Variants in PCMTD1 observed in about 807,000 individuals in gnomAD.
PCMTD1 encodes the protein protein-L-isoaspartate (D-aspartate) O-methyltransferase domain containing 1.
A neutral mutation model predicts 37.6 loss-of-function variants in PCMTD1; 12 were observed. That is an observed-to-expected ratio of 0.32 (90% CI 0.20 to 0.52). The LOEUF is 0.52. Among genes scored for constraint, PCMTD1 ranks in the 20% least tolerant of loss-of-function variants. The pLI, the probability that PCMTD1 is intolerant of heterozygous loss-of-function variation, is 0.97. For missense variants in PCMTD1, 235 were observed against 421.3 expected (o/e 0.56, Z 3.87); for synonymous variants, 117 against 135.8 (o/e 0.86, Z 0.96).
chr8:51,846,294 CT>C (rs2038218789), intron 2 of PCMTD1, among the ~76,000 whole-genome samples: 1 of 152,168 alleles, frequency 6.6e-6, no homozygotes, highest in Non-Finnish European at 1.5e-5. Context: ...CTGGACTTGA[CT>C]CTCATGCTCC....
In PCMTD1 at chr8:51,857,265, G is replaced by C. The variant is rs542330814; in HGVS notation, c.307+3580C>G. ...CAAGGTAGTGGCATCCACAGTGCTG[G>C]ATGGCACTAGCAGTCTCCCCAGAGT... On this transcript the variant is annotated intron_variant, in intron 2 of 5. Coordinates refer to ENST00000522514, the MANE Select transcript of PCMTD1 (RefSeq NM_052937.4). Among the ~76,000 whole-genome samples, 3 of 152,324 alleles carry C rather than the reference G, an allele frequency of 2.0e-5. No individual in the cohort carries two copies. The East Asian group carries it at 5.8e-4, about 29-fold the overall frequency.
chr8:51,822,437 T>C (rs747921109), intron 5 of PCMTD1, among the ~76,000 whole-genome samples: 10 of 152,182 alleles, frequency 6.6e-5, no homozygotes, highest in African/African-American at 1.4e-4. Context: ...TATCAGTGAC[T>C]GACATGACAA....
Position 51,866,476 on chromosome 8 carries a change from A to G in PCMTD1, c.-95-5230T>C, listed in dbSNP as rs1037593740. On this transcript the variant is annotated intron_variant, in intron 1 of 5. Transcript: ENST00000522514. Reference sequence around the variant, plus strand: ...TGGAGAGACCAGAAAGAAACTTCACATATTTATGGTCAATTAATTTTCAAC... The same window carrying G: ...TGGAGAGACCAGAAAGAAACTTCACGTATTTATGGTCAATTAATTTTCAAC... 9.2e-5 allele frequency among the ~76,000 whole-genome samples: 14 copies of G among 151,970 alleles called. 1 individual carries two copies. Among genetic ancestry groups the G allele is most frequent in the Non-Finnish European group, 1.9e-4 (13 of 67,902 alleles).
At chr8:51,822,173 A>G (rs1394183031) in intron 5 of PCMTD1, among the ~76,000 whole-genome samples, 3 of 152,222 alleles carry the variant, frequency 2.0e-5, no homozygotes, top group Admixed American at 2.0e-4. Flanking sequence ...AGCATGTCCA[A>G]GGAGCCGAAG....
At chr8:51,850,877 A>G (rs2038294856) in intron 2 of PCMTD1, among the ~76,000 whole-genome samples, 1 of 152,190 alleles carries the variant, frequency 6.6e-6, no homozygotes, top group Non-Finnish European at 1.5e-5. Context: ...CAGGGAGAGT[A>G]AAGGGTAAAA....
intron 5 of PCMTD1, among the ~76,000 whole-genome samples, chr8:51,823,382 T>C (rs2037876196): frequency 6.6e-6 from 1 of 152,184 alleles, no homozygotes; most frequent in Admixed American, 6.5e-5. Context: ...GAGGATCATC[T>C]GAGTCTGGCT....
At chr8:51,849,845 G>A (rs1415105531) in intron 2 of PCMTD1, 8 of 515,306 alleles carry the variant, frequency 1.6e-5, no homozygotes, top group East Asian at 3.1e-5. Flanking sequence ...GTCTATGTTC[G>A]CCCCTTGTAA....
intron 1 of PCMTD1, among the ~76,000 whole-genome samples, chr8:51,863,272 C>T (rs925761): frequency 0.69 from 104,513 of 152,140 alleles, 42,383 homozygotes; most frequent in Non-Finnish European, 0.9. Flanking sequence ...TTTGAGTGGG[C>T]TCTAGGGCTT....
intron 1 of PCMTD1, among the ~76,000 whole-genome samples, chr8:51,877,528 G>A (rs933795033): frequency 6.6e-6 from 1 of 152,100 alleles, no homozygotes; most frequent in African/African-American, 2.4e-5. Flanking sequence ...TTTTTATTAC[G>A]GCTAGCAGAT....
In PCMTD1 at chr8:51,885,064, G is replaced by A. The variant is rs562776386; in HGVS notation, c.-96+13866C>T. Reference sequence around the variant, plus strand: ...GATTTCTCTTTCCTGACTGGACCCAGATTTATATAATCCTGAAAACCAGAA... The same window carrying A: ...GATTTCTCTTTCCTGACTGGACCCAAATTTATATAATCCTGAAAACCAGAA... On this transcript the variant is annotated intron_variant, in intron 1 of 5. Transcript: ENST00000522514. Among the ~76,000 whole-genome samples, 130 of 152,050 alleles carry A rather than the reference G, an allele frequency of 8.5e-4. 2 individuals carry two copies. Among genetic ancestry groups the A allele is most frequent in the Non-Finnish European group, 2.9e-4 (20 of 68,024 alleles).
chr8:51,851,083 T>G (rs2038299640), intron 2 of PCMTD1, among the ~76,000 whole-genome samples: 1 of 152,236 alleles, frequency 6.6e-6, no homozygotes, highest in Admixed American at 6.5e-5. Context: ...ATTTAATTTA[T>G]TTCTCCCATT....
chr8:51,829,296 A>G (rs944791702), intron 5 of PCMTD1, among the ~76,000 whole-genome samples: 2 of 152,204 alleles, frequency 1.3e-5, no homozygotes, highest in African/African-American at 4.8e-5. Context: ...TAACACTCTC[A>G]GCAAGCAACA....
intron 1 of PCMTD1, among the ~76,000 whole-genome samples, chr8:51,877,400 C>T (rs1021033098): frequency 2.6e-5 from 4 of 152,182 alleles, no homozygotes; most frequent in African/African-American, 4.8e-5. Flanking sequence ...AAGGTAAAAA[C>T]GCTTTTAAAT....
intron 3 of PCMTD1, among the ~76,000 whole-genome samples, chr8:51,843,905 A>G (rs1393447638): frequency 2.0e-5 from 3 of 152,230 alleles, no homozygotes; most frequent in East Asian, 1.9e-4. Context: ...TAACTAACAT[A>G]TAACAGAGCT....
At chr8:51,828,989 T>C (rs1354749901) in intron 5 of PCMTD1, among the ~76,000 whole-genome samples, 1 of 152,224 alleles carries the variant, frequency 6.6e-6, no homozygotes. Context: ...TTTATATGGA[T>C]TGTTATATAT....
intron 1 of PCMTD1, among the ~76,000 whole-genome samples, chr8:51,877,687 A>ATATG (rs2038732537): frequency 6.6e-6 from 1 of 152,208 alleles, no homozygotes; most frequent in African/African-American, 2.4e-5. Context: ...ACCTACTGAT[A>ATATG]TATGCCCTGA....
intron 3 of PCMTD1, 39 bp downstream of exon 3, chr8:51,845,622 A>C (rs776114080): frequency 1.2e-5 from 16 of 1,377,424 alleles, no homozygotes; most frequent in Non-Finnish European, 1.1e-5. Context: ...TGTATCTATT[A>C]AGTGATTTTA....
intron 1 of PCMTD1, among the ~76,000 whole-genome samples, chr8:51,878,660 G>A (rs1248176687): frequency 6.6e-6 from 1 of 152,132 alleles, no homozygotes; most frequent in Non-Finnish European, 1.5e-5. Context: ...GAGGTAGGAT[G>A]ATCCCTTGAG....
intron 2 of PCMTD1, among the ~76,000 whole-genome samples, chr8:51,857,898 G>A (rs563946598): frequency 3.9e-5 from 6 of 152,220 alleles, no homozygotes; most frequent in South Asian, 4.1e-4. Flanking sequence ...AAGCTGAGGC[G>A]GGAGAATCAC....
Sources: gnomAD v4.1 joint callset for allele counts (sites outside exome capture counted in the v4.1 genomes callset) on GRCh38, gnomAD v4.1.1 for gene constraint, MANE v1.5 for transcripts, NCBI Gene and HGNC (gene_info 2026-07-23, HGNC 2026-07-21) for gene names.